The following TRPS1 variants were observed in gnomAD, a reference collection of about 807,000 sequenced individuals.
TRPS1 encodes zinc finger transcription factor Trps1.
A neutral mutation model predicts 101.2 loss-of-function variants in TRPS1; 6 were observed. That is an observed-to-expected ratio of 0.06 (90% CI 0.03 to 0.12). The LOEUF (loss-of-function observed/expected upper bound fraction) is 0.12. Ranked by LOEUF, TRPS1 falls within the 10% of genes least tolerant of loss-of-function variation. TRPS1 has a pLI of 1.00. For missense variants in TRPS1, 1,363 were observed against 1,567.0 expected (o/e 0.87, Z 2.20); for synonymous variants, 578 against 589.8 (o/e 0.98, Z 0.29).
intron 5 of TRPS1, among the ~76,000 whole-genome samples, chr8:115,426,121 A>C (rs1219623832): frequency 6.6e-6 from 1 of 152,158 alleles, no homozygotes; most frequent in Non-Finnish European, 1.5e-5. Flanking sequence ...CTTCAGCTAC[A>C]ACAATGGCTG....
At chr8:115,485,422 G>A (rs1453021093) in intron 5 of TRPS1, among the ~76,000 whole-genome samples, 2 of 152,176 alleles carry the variant, frequency 1.3e-5, no homozygotes, top group African/African-American at 4.8e-5. Context: ...GTCATGCTGT[G>A]CCCAGTCTCC....
At chr8:115,636,781 G>A (rs775761388) in intron 1 of TRPS1, among the ~76,000 whole-genome samples, 5 of 151,742 alleles carry the variant, frequency 3.3e-5, no homozygotes, top group East Asian at 1.9e-4. Flanking sequence ...GTGTGGTGGC[G>A]GGTGCCTGTA....
intron 5 of TRPS1, among the ~76,000 whole-genome samples, chr8:115,576,313 A>C (rs935276596): frequency 9.8e-5 from 14 of 143,104 alleles, no homozygotes; most frequent in Non-Finnish European, 1.9e-4. Context: ...AGATATAGAT[A>C]TAGATCTAGA....
intron 4 of TRPS1, among the ~76,000 whole-genome samples, chr8:115,600,723 T>C (rs1817888574): frequency 6.6e-6 from 1 of 151,918 alleles, no homozygotes; most frequent in African/African-American, 2.4e-5. Context: ...AAATATGTTT[T>C]ATCTAGTATA....
intron 5 of TRPS1, among the ~76,000 whole-genome samples, chr8:115,495,839 C>G (rs577340471): frequency 1.3e-5 from 2 of 152,160 alleles, no homozygotes; most frequent in South Asian, 2.1e-4. Context: ...CAAAATTCTA[C>G]TGTTCAAATG....
intron 1 of TRPS1, among the ~76,000 whole-genome samples, chr8:115,648,247 G>A (rs1192267207): frequency 1.3e-5 from 2 of 148,762 alleles, no homozygotes; most frequent in Admixed American, 1.3e-4. Context: ...GCGGGCAGGA[G>A]GCGGCCTCCA....
intron 5 of TRPS1, among the ~76,000 whole-genome samples, chr8:115,548,087 G>T (rs945382060): frequency 6.6e-6 from 1 of 150,822 alleles, no homozygotes; most frequent in African/African-American, 2.4e-5. Flanking sequence ...AAAAAAATAA[G>T]TCTGGTGTGG....
intron 5 of TRPS1, among the ~76,000 whole-genome samples, chr8:115,475,947 T>C (rs1814595165): frequency 6.6e-6 from 1 of 151,568 alleles, no homozygotes; most frequent in Non-Finnish European, 1.5e-5. Flanking sequence ...AACTAAATTG[T>C]AAATTATCAA....
At chr8:115,450,006 G>A (rs1813829392) in intron 5 of TRPS1, among the ~76,000 whole-genome samples, 1 of 139,086 alleles carries the variant, frequency 7.2e-6, no homozygotes, top group African/African-American at 2.8e-5. Flanking sequence ...CACACACAGA[G>A]GAAAATACTT....
intron 5 of TRPS1, among the ~76,000 whole-genome samples, chr8:115,513,245 C>T (rs537687828): frequency 6.6e-6 from 1 of 151,630 alleles, no homozygotes; most frequent in South Asian, 2.1e-4. Flanking sequence ...ATACCAATGT[C>T]AACAAAATCC....
At chr8:115,650,938 T>G (rs1379656659) in intron 1 of TRPS1, among the ~76,000 whole-genome samples, 1 of 152,192 alleles carries the variant, frequency 6.6e-6, no homozygotes, top group Admixed American at 6.5e-5. Flanking sequence ...CCCCTCAGCA[T>G]GCAAGCATTG....
intron 4 of TRPS1, among the ~76,000 whole-genome samples, chr8:115,596,534 G>T (rs1369003286): frequency 6.6e-6 from 1 of 151,790 alleles, no homozygotes; most frequent in South Asian, 2.1e-4. Context: ...ACTGAATCGA[G>T]ATCTATGCGT....
At chr8:115,530,070 A>AT (rs1234309040) in intron 5 of TRPS1, among the ~76,000 whole-genome samples, 1 of 152,028 alleles carries the variant, frequency 6.6e-6, no homozygotes, top group Non-Finnish European at 1.5e-5. Context: ...GAACTTAATA[A>AT]TTTTTTTAAA....
chr8:115,445,021 A>G (rs1813698328), intron 5 of TRPS1, among the ~76,000 whole-genome samples: 1 of 152,192 alleles, frequency 6.6e-6, no homozygotes, highest in Admixed American at 6.5e-5. Flanking sequence ...ATAAATTCCA[A>G]AATCCTTTGT....
At chr8:115,461,162 T>C (rs1389047796) in intron 5 of TRPS1, among the ~76,000 whole-genome samples, 1 of 152,142 alleles carries the variant, frequency 6.6e-6, no homozygotes, top group Non-Finnish European at 1.5e-5. Flanking sequence ...ATGTTATTTA[T>C]TAAGAACTCT....
intron 1 of TRPS1, among the ~76,000 whole-genome samples, chr8:115,635,535 AACTT>A (rs1307443393): frequency 6.6e-6 from 1 of 152,184 alleles, no homozygotes; most frequent in East Asian, 1.9e-4. Context: ...GCAGAGAAGA[AACTT>A]ACCCTGAGTG....
chr8:115,659,379 T>C (rs1333917729), intron 1 of TRPS1, among the ~76,000 whole-genome samples: 1 of 151,748 alleles, frequency 6.6e-6, no homozygotes, highest in East Asian at 1.9e-4. Context: ...ACATATTCCG[T>C]ATTTTTTAAT....
At chr8:115,639,248 T>C (rs1188088502) in intron 1 of TRPS1, among the ~76,000 whole-genome samples, 1 of 152,072 alleles carries the variant, frequency 6.6e-6, no homozygotes, top group East Asian at 1.9e-4. Flanking sequence ...TTATATATTT[T>C]TGTAGAGATG....
At chr8:115,561,649 T>C (rs775695733) in intron 5 of TRPS1, among the ~76,000 whole-genome samples, 3 of 152,064 alleles carry the variant, frequency 2.0e-5, no homozygotes, top group Non-Finnish European at 2.9e-5. Context: ...GGAGGAACGA[T>C]AACCTGAGTA....
Sources: allele counts gnomAD v4.1 joint callset (sites outside exome capture counted in the v4.1 genomes callset), GRCh38; gene constraint gnomAD v4.1.1; transcripts MANE v1.5; gene names NCBI Gene and HGNC (gene_info 2026-07-23, HGNC 2026-07-21).